Variants in RAD51B observed in about 807,000 individuals in gnomAD.
RAD51B encodes the protein RAD51 paralog B.
Under a neutral mutation model 42.2 loss-of-function variants are expected in RAD51B, and 38 were observed. The ratio of observed to expected loss-of-function variants is 0.90; its 90% CI spans 0.70 to 1.18. RAD51B has a LOEUF of 1.18. Ranked by LOEUF, RAD51B falls within the 50% of genes most tolerant of loss-of-function variation. RAD51B has a pLI of 0.00. For synonymous variants in RAD51B, 154 were observed against 145.2 expected, an observed-to-expected ratio of 1.06 and a Z score of -0.43; for missense variants, 373 against 400.7, an observed-to-expected ratio of 0.93 and a Z score of 0.59.
chr14:68,224,552 G>T (rs1027051477), intron 7 of RAD51B, among the ~76,000 whole-genome samples: 1 of 152,032 alleles, frequency 6.6e-6, no homozygotes, highest in African/African-American at 2.4e-5. Flanking sequence ...TATTTATTCA[G>T]TTCTCTAGTA....
intron 7 of RAD51B, among the ~76,000 whole-genome samples, chr14:68,200,587 G>A (rs1419618651): frequency 6.6e-6 from 1 of 152,154 alleles, no homozygotes; most frequent in Non-Finnish European, 1.5e-5. Context: ...TTTAGTGATG[G>A]CTTACACAAA....
chr14:67,823,391 A>T (rs1176070401), intron 1 of RAD51B, 151 bp from the exon 2 acceptor site: 3 of 567,368 alleles, frequency 5.3e-6, no homozygotes, highest in East Asian at 5.9e-5. Context: ...GCATTCCTTT[A>T]TCAGTAATAT....
At chr14:68,359,972 C>T (rs1461432110) in intron 8 of RAD51B, among the ~76,000 whole-genome samples, 4 of 152,322 alleles carry the variant, frequency 2.6e-5, no homozygotes, top group East Asian at 1.9e-4. Flanking sequence ...TGCAGGGAAA[C>T]GGCCTTGTCA....
intron 7 of RAD51B, among the ~76,000 whole-genome samples, chr14:67,947,062 G>A (rs573691508): frequency 6.6e-6 from 1 of 152,248 alleles, no homozygotes; most frequent in Admixed American, 6.5e-5. Context: ...GTTGTGGTGA[G>A]GATTAGACCA....
intron 10 of RAD51B, among the ~76,000 whole-genome samples, chr14:68,619,077 C>G (rs1437834041): frequency 6.6e-6 from 1 of 152,224 alleles, no homozygotes; most frequent in Non-Finnish European, 1.5e-5. Context: ...GCCAGTAGGG[C>G]TTAACACACA....
intron 7 of RAD51B, among the ~76,000 whole-genome samples, chr14:68,045,148 A>G (rs2140404883): frequency 7.4e-6 from 1 of 135,636 alleles, no homozygotes. Flanking sequence ...AGGCAGGAGT[A>G]TTGCTTGAAC....
intron 6 of RAD51B, among the ~76,000 whole-genome samples, chr14:67,886,201 T>C (rs1485482700): frequency 1.3e-5 from 2 of 152,202 alleles, no homozygotes; most frequent in African/African-American, 4.8e-5. Context: ...TTTAATTAAT[T>C]AAGTGGTGTA....
At chr14:67,955,267 A>G (rs1180741036) in intron 7 of RAD51B, among the ~76,000 whole-genome samples, 4 of 152,226 alleles carry the variant, frequency 2.6e-5, no homozygotes, top group African/African-American at 9.6e-5. Context: ...CAGCTAATTC[A>G]TGCTGATGTA....
intron 7 of RAD51B, among the ~76,000 whole-genome samples, chr14:67,972,263 A>G (rs958551763): frequency 1.1e-4 from 17 of 151,990 alleles, no homozygotes; most frequent in African/African-American, 3.9e-4. Context: ...TGACACCAAT[A>G]TTGTTAAATA....
At chr14:68,677,050 C>G (rs964459103) in intron 11 of RAD51B, among the ~76,000 whole-genome samples, 7 of 152,150 alleles carry the variant, frequency 4.6e-5, no homozygotes, top group African/African-American at 1.7e-4. Flanking sequence ...TATGCTCCCC[C>G]CTGTCATAGA....
chr14:68,660,282 G>A (rs535205701), intron 11 of RAD51B, among the ~76,000 whole-genome samples: 2 of 152,364 alleles, frequency 1.3e-5, no homozygotes, highest in East Asian at 1.9e-4. Flanking sequence ...GGCTGGACAC[G>A]TGAGACGTGC....
intron 7 of RAD51B, among the ~76,000 whole-genome samples, chr14:67,992,787 TG>T (rs1370894129): frequency 1.3e-5 from 2 of 152,188 alleles, no homozygotes; most frequent in Non-Finnish European, 2.9e-5. Flanking sequence ...TATTTATATT[TG>T]GCACTTTTTT....
downstream of RAD51B, among the ~76,000 whole-genome samples, chr14:68,614,598 A>C (rs1228035409): frequency 6.6e-6 from 1 of 152,192 alleles, no homozygotes; most frequent in Non-Finnish European, 1.5e-5. Context: ...TTTCATATAA[A>C]TGGAATTATA....
intron 7 of RAD51B, among the ~76,000 whole-genome samples, chr14:67,892,130 G>A (rs1268264323): frequency 2.0e-5 from 3 of 152,230 alleles, no homozygotes; most frequent in South Asian, 2.1e-4. Context: ...GGTAAGAAAA[G>A]TCCTTTACAG....
At chr14:68,278,971 C>T (rs2081273440) in intron 7 of RAD51B, among the ~76,000 whole-genome samples, 2 of 151,980 alleles carry the variant, frequency 1.3e-5, no homozygotes, top group Admixed American at 6.6e-5. Context: ...ATGACCATTT[C>T]ATGAGGTTTC....
chr14:68,191,838 T>TG (rs1175142048), intron 7 of RAD51B, among the ~76,000 whole-genome samples: 1 of 152,214 alleles, frequency 6.6e-6, no homozygotes, highest in Non-Finnish European at 1.5e-5. Context: ...TACTTGCCCA[T>TG]GGCAGGCAGT....
At chr14:68,371,153 T>A (rs1366394075) in intron 8 of RAD51B, among the ~76,000 whole-genome samples, 1 of 152,112 alleles carries the variant, frequency 6.6e-6, no homozygotes, top group Non-Finnish European at 1.5e-5. Flanking sequence ...CTAGAGTTAT[T>A]TAGGCCAAAA....
intron 10 of RAD51B, among the ~76,000 whole-genome samples, chr14:68,567,192 G>A (rs1478701827): frequency 1.3e-5 from 2 of 152,082 alleles, no homozygotes; most frequent in East Asian, 1.9e-4. Flanking sequence ...CTAGCTACTC[G>A]GGAGGCTGAG....
chr14:68,554,902 G>A (rs2140004680), intron 10 of RAD51B, among the ~76,000 whole-genome samples: 1 of 150,508 alleles, frequency 6.6e-6, no homozygotes, highest in South Asian at 2.1e-4. Flanking sequence ...AGGCTGGAGT[G>A]CAGTGGCATA....
Sources: gnomAD v4.1 joint callset for allele counts (sites outside exome capture counted in the v4.1 genomes callset) on GRCh38, gnomAD v4.1.1 for gene constraint, MANE v1.5 for transcripts, NCBI Gene and HGNC (gene_info 2026-07-23, HGNC 2026-07-21) for gene names.